Variants in ETFA observed in about 807,000 individuals in gnomAD.
The protein encoded by ETFA is electron transfer flavoprotein subunit alpha, also known as electron transfer flavoprotein subunit alpha, mitochondrial.
In ETFA, 22 loss-of-function variants were observed where a neutral mutation model predicts 46.2. The observed-to-expected ratio is 0.48, with a 90% CI of 0.34 to 0.68. The LOEUF is 0.68. ETFA is among the 30% of genes least tolerant of loss of function. The probability of loss-of-function intolerance (pLI) is 0.01; values close to 1 mark genes in which losing one functional copy is unlikely to be tolerated. For missense variants in ETFA, 345 were observed against 401.1 expected, an observed-to-expected ratio of 0.86 and a Z score of 1.19; for synonymous variants, 131 against 139.9, an observed-to-expected ratio of 0.94 and a Z score of 0.45.
chr15:76,271,246 G>A (rs1227549213), intron 9 of ETFA, among the ~76,000 whole-genome samples: 1 of 150,162 alleles, frequency 6.7e-6, no homozygotes, highest in African/African-American at 2.4e-5. Context: ...TATAAAATAT[G>A]TATTACAATG....
intron 9 of ETFA, chr15:76,259,420 G>A (rs2039378920): frequency 8.3e-7 from 1 of 1,207,156 alleles, no homozygotes; most frequent in Non-Finnish European, 1.2e-6. Flanking sequence ...CTTGGATGGA[G>A]TGGGAGTGTA....
At chr15:76,273,164 A>AATTTGT (rs967439111) in intron 9 of ETFA, among the ~76,000 whole-genome samples, 2 of 152,136 alleles carry the variant, frequency 1.3e-5, no homozygotes, top group African/African-American at 4.8e-5. Context: ...TCTGACAAAG[A>AATTTGT]ATTTGTATGT....
intron 9 of ETFA, among the ~76,000 whole-genome samples, chr15:76,258,422 A>T (rs536997816): frequency 6.6e-6 from 1 of 152,266 alleles, no homozygotes; most frequent in South Asian, 2.1e-4. Flanking sequence ...CTCCTGGCCT[A>T]GACAGGGTAC....
At chr15:76,303,202 G>A (rs890855606) in intron 1 of ETFA, among the ~76,000 whole-genome samples, 3 of 152,032 alleles carry the variant, frequency 2.0e-5, no homozygotes, top group African/African-American at 4.8e-5. Flanking sequence ...CAGCTCTTCC[G>A]AAGGCTGCGG....
intron 1 of ETFA, among the ~76,000 whole-genome samples, chr15:76,299,768 T>C (rs567656597): frequency 3.9e-5 from 6 of 152,352 alleles, no homozygotes. Context: ...TGGAAGCTGC[T>C]GTGGATCCTT....
At chr15:76,250,222 G>GA (rs11445780) in intron 9 of ETFA, among the ~76,000 whole-genome samples, 103,237 of 151,676 alleles carry the variant, frequency 0.68, 35,604 homozygotes, top group Middle Eastern at 0.78. Context: ...AAGATGGATT[G>GA]AAAAAAAGAT....
intron 8 of ETFA, among the ~76,000 whole-genome samples, chr15:76,280,182 T>C (rs2039633730): frequency 6.6e-6 from 1 of 152,158 alleles, no homozygotes; most frequent in South Asian, 2.1e-4. Context: ...AACTTCTCCA[T>C]GGAACTTCAC....
At chr15:76,291,672 C>G (rs2039764646) in intron 4 of ETFA, among the ~76,000 whole-genome samples, 1 of 151,696 alleles carries the variant, frequency 6.6e-6, no homozygotes, top group African/African-American at 2.4e-5. Context: ...ATGGCGTGAA[C>G]CCCGGGGGGC....
intron 11 of ETFA, among the ~76,000 whole-genome samples, chr15:76,219,347 A>G (rs1057385305): frequency 6.6e-6 from 1 of 152,206 alleles, no homozygotes; most frequent in African/African-American, 2.4e-5. Flanking sequence ...AACAACCTAA[A>G]TATATGAGCT....
At chr15:76,283,667 G>T in intron 8 of ETFA, 90 bp downstream of exon 8, 1 of 920,776 alleles carries the variant, frequency 1.1e-6, no homozygotes, top group East Asian at 2.5e-5. Flanking sequence ...TAATTTGTAG[G>T]GCTGAAAGAC....
intron 9 of ETFA, among the ~76,000 whole-genome samples, chr15:76,270,208 T>C (rs954763958): frequency 1.3e-5 from 2 of 152,302 alleles, no homozygotes. Flanking sequence ...AGGGTATCTA[T>C]ACAGGAAGAC....
Position 76,295,682 on chromosome 15 carries a change from G to A in ETFA, c.95C>T (p.Ser32Phe), listed in dbSNP as rs774383988. 1.9e-6 allele frequency: 3 copies of A among 1,612,618 alleles called. No individual in the cohort carries two copies. Among genetic ancestry groups the A allele is most frequent in the Non-Finnish European group, 2.5e-6 (3 of 1,179,350 alleles). The change falls in exon 2 of 12, where the codon TCC becomes TTC. Residue 32 changes from serine (S) to phenylalanine (F), a missense_variant. Transcript: ENST00000557943. Reference sequence around the variant, plus strand: ...GGTATTTAAAGTAATGGGTGCTAGGGAATCATTTGCATGCTCAGCTATTAC... The same window carrying A: ...GGTATTTAAAGTAATGGGTGCTAGGAAATCATTTGCATGCTCAGCTATTAC... ...TLVIAEHAND[S>F]LAPITLNTIT...
At chr15:76,257,276 T>C (rs1368426284) in intron 9 of ETFA, among the ~76,000 whole-genome samples, 1 of 152,164 alleles carries the variant, frequency 6.6e-6, no homozygotes, top group Admixed American at 6.5e-5. Flanking sequence ...AGAGGGGAAG[T>C]TGGCACTAAA....
chr15:76,299,923 G>C (rs2039863906), intron 1 of ETFA, among the ~76,000 whole-genome samples: 1 of 151,978 alleles, frequency 6.6e-6, no homozygotes, highest in African/African-American at 2.4e-5. Flanking sequence ...CATGATTGAG[G>C]CTCTCCCCAT....
intron 9 of ETFA, among the ~76,000 whole-genome samples, chr15:76,241,710 G>C (rs1222754157): frequency 1.4e-5 from 2 of 147,566 alleles, no homozygotes; most frequent in African/African-American, 5.1e-5. Context: ...GCTGAGGCAG[G>C]AGAATGGCAT....
chr15:76,254,080 C>A (rs1253349622), intron 9 of ETFA, among the ~76,000 whole-genome samples: 1 of 152,230 alleles, frequency 6.6e-6, no homozygotes, highest in African/African-American at 2.4e-5. Flanking sequence ...CAGCATATAT[C>A]TCCATTTCCT....
chr15:76,276,427 CT>C (rs370439582), intron 8 of ETFA, among the ~76,000 whole-genome samples: 27 of 152,094 alleles, frequency 1.8e-4, no homozygotes, highest in African/African-American at 6.5e-4. Context: ...TGAAGTTCTT[CT>C]GGCATTTCTC....
At chr15:76,245,306 GTACAATTTAA>G (rs1488132848) in intron 9 of ETFA, 2 of 152,112 alleles carry the variant, frequency 1.3e-5, no homozygotes, top group Non-Finnish European at 2.9e-5. Context: ...GAATATTTTA[GTACAATTTAA>G]TGCTTCTATA....
In ETFA at chr15:76,231,248, A is replaced by G. The variant is rs372726929; in HGVS notation, c.882+85T>C. 20 of 852,348 alleles carry G rather than the reference A, an allele frequency of 2.3e-5. No individual in the cohort carries two copies. The East Asian group carries it at 3.6e-4, about 15-fold the overall frequency. 52.8% of individuals were successfully genotyped at this position (852,348 alleles called of 1,614,324 possible). On this transcript the variant is annotated intron_variant, in intron 10 of 11. Transcript: ENST00000557943. Reference sequence around the variant, plus strand: ...TAGTGTGAATGGCTTGACTACATGCATTGTAACTACATGGAAACATACAAG... The same window carrying G: ...TAGTGTGAATGGCTTGACTACATGCGTTGTAACTACATGGAAACATACAAG...
Sources: allele counts gnomAD v4.1 joint callset (sites outside exome capture counted in the v4.1 genomes callset), GRCh38; gene constraint gnomAD v4.1.1; transcripts MANE v1.5; gene names NCBI Gene and HGNC (gene_info 2026-07-23, HGNC 2026-07-21).